Variants in PNPLA6 observed in about 807,000 individuals in gnomAD.
The protein encoded by PNPLA6 is patatin-like phospholipase domain-containing protein 6.
In PNPLA6, 105 loss-of-function variants were observed where a neutral mutation model predicts 153.7. The ratio of observed to expected loss-of-function variants is 0.68; its 90% CI spans 0.58 to 0.80. The LOEUF (loss-of-function observed/expected upper bound fraction) is 0.80, where lower values mean the gene tolerates loss of function less well. Ranked by LOEUF, PNPLA6 falls within the 30% of genes least tolerant of loss-of-function variation. The probability of loss-of-function intolerance (pLI) is 0.00; values close to 1 mark genes in which losing one functional copy is unlikely to be tolerated. For missense variants in PNPLA6, 1,423 were observed against 1,919.3 expected (o/e 0.74, Z 4.83); for synonymous variants, 825 against 822.2 (o/e 1.00, Z -0.06).
At chr19:7,539,555 C>G (rs893876922) in intron 3 of PNPLA6, among the ~76,000 whole-genome samples, 2 of 144,956 alleles carry the variant, frequency 1.4e-5, no homozygotes, top group Non-Finnish European at 3.0e-5. Context: ...GTCAGGAGTT[C>G]GAGACCAGCC....
At chr19:7,536,376 C>A in intron 2 of PNPLA6, 73 bp from the exon 3 acceptor site, 1 of 1,375,306 alleles carries the variant, frequency 7.3e-7, no homozygotes, top group South Asian at 1.2e-5. Context: ...TTGATGGAGA[C>A]CCCCTGGATC....
rs201723958 is a variant in PNPLA6, at chr19:7,541,306, G to C, written c.925-48G>C. 53 of 1,528,914 alleles carry C rather than the reference G, an allele frequency of 3.5e-5. No homozygotes were observed. Among genetic ancestry groups the C allele is most frequent in the Non-Finnish European group, 4.6e-5 (51 of 1,107,392 alleles). The allele number at this position is 1,528,914 out of a possible 1,614,324, so 94.7% of individuals were successfully genotyped here. ...CTAGCCCGGCCCACCATCTGGCCCT[G>C]CCCCTTACCCCGCCCCATCTTATGG... On this transcript the variant is annotated intron_variant, in intron 7 of 31. Transcript: ENST00000600737. This position sits in a 1 kb window ranked among gnomAD's most constrained non-coding sequence, Gnocchi z 5.2.
chr19:7,536,991 A>G (rs914055462), intron 3 of PNPLA6, among the ~76,000 whole-genome samples: 59 of 151,498 alleles, frequency 3.9e-4, no homozygotes, highest in East Asian at 3.1e-3. Context: ...TTTCAGAGAG[A>G]CATCTCTGGA....
chr19:7,546,906 C>CA lies in PNPLA6; in HGVS notation c.1609-2999dup, dbSNP rs1400941789. ...TGAATTGCTGGGTTATAAGCCAATT[C>CA]AATTTTTTTTTTTTTTAAGAGGGAG... On this transcript the variant is annotated intron_variant, in intron 13 of 31. Transcript: ENST00000600737. Among the ~76,000 whole-genome samples the CA allele has an allele frequency of 2.8e-5, 3 of 106,436 alleles. No homozygotes were observed. In the East Asian group the frequency reaches 6.6e-4, roughly 23 times the overall value. 69.8% of individuals were successfully genotyped at this position (106,436 alleles called of 152,430 possible). A position where few individuals can be genotyped will look rare whatever the true frequency, so the allele number is the denominator to read the frequency against.
chr19:7,541,634 C>T lies in PNPLA6; in HGVS notation c.1118C>T (p.Thr373Ile). 1.3e-6 allele frequency: 2 copies of T among 1,587,954 alleles called. No homozygotes were observed. The highest frequency in any genetic ancestry group is 1.7e-6 in the Non-Finnish European group (2 of 1,167,914). The change falls in exon 9 of 32, where the codon ACC becomes ATC. Residue 373 changes from threonine (T) to isoleucine (I), a missense_variant. This residue lies in a region of PNPLA6 where 267 missense variants were observed against 255.1 expected (regional missense o/e 1.05). Coordinates refer to ENST00000600737, the MANE Select transcript of PNPLA6 (RefSeq NM_001166114.2). The surrounding 1 kb of genome is among the most constrained non-coding windows in gnomAD (Gnocchi z 5.2). ...TCAGCTACAGACGAGCCCAGGGAGACCCCAGGGCGGCCACCCGATCCCACC... is the reference window on the plus strand; with the variant it reads ...TCAGCTACAGACGAGCCCAGGGAGATCCCAGGGCGGCCACCCGATCCCACC... Reference protein sequence around the residue: ...STSATDEPRETPGRPPDPTGA... With the variant: ...STSATDEPREIPGRPPDPTGA...
In PNPLA6 at chr19:7,542,994, C is replaced by T. The variant is rs1412254123; in HGVS notation, c.1531-13C>T. On this transcript the variant is annotated splice_polypyrimidine_tract_variant and intron_variant, in intron 12 of 31. Transcript: ENST00000600737. ...GCCTGGCTGCGCCCATCTCAACCCCCCTACCTCCCCAGGACCCCTCCCTCC... is the reference window on the plus strand; with the variant it reads ...GCCTGGCTGCGCCCATCTCAACCCCTCTACCTCCCCAGGACCCCTCCCTCC... 1 of 1,613,986 alleles carries T rather than the reference C, an allele frequency of 6.2e-7. No individual in the cohort carries two copies. Among genetic ancestry groups the T allele is most frequent in the Non-Finnish European group, 8.5e-7 (1 of 1,179,970 alleles).
chr19:7,558,271 T>C (rs953896481), intron 27 of PNPLA6, among the ~76,000 whole-genome samples: 1 of 152,214 alleles, frequency 6.6e-6, no homozygotes, highest in South Asian at 2.1e-4. Flanking sequence ...CTCACAATCT[T>C]GTAGGCCAGG....
At position 7,556,728 on chromosome 19, in the gene PNPLA6, G is replaced by T; in HGVS notation, c.3280+4G>T. ...GCCATGCGAGTCCACAAAGATGGTG[G>T]GTGTCCCCGCCCAGCCTGCAGCAAC... On this transcript the variant is annotated splice_donor_region_variant and intron_variant, in intron 26 of 31. Transcript: ENST00000600737. 6.2e-7 allele frequency: 1 copy of T among 1,609,978 alleles called. No individual in the cohort carries two copies. The highest frequency in any genetic ancestry group is 1.3e-5 in the African/African-American group (1 of 74,948).
intron 13 of PNPLA6, among the ~76,000 whole-genome samples, chr19:7,548,244 T>C (rs616152): frequency 0.83 from 126,243 of 151,708 alleles, 52,946 homozygotes; most frequent in African/African-American, 0.92. Flanking sequence ...CTTGGGAGGC[T>C]GAGGCAGGAG....
chr19:7,543,062 T>G lies in PNPLA6; in HGVS notation c.1586T>G (p.Ile529Ser), dbSNP rs1220111393. The G allele has an allele frequency of 1.2e-6, 2 of 1,613,894 alleles. No individual in the cohort carries two copies. Among genetic ancestry groups the G allele is most frequent in the South Asian group, 2.2e-5 (2 of 91,082 alleles). ...CTGCACCACGCCAAAGCTGGCACCATCATTGCCCGCCAGGGAGACCAGGTG... is the reference window on the plus strand; with the variant it reads ...CTGCACCACGCCAAAGCTGGCACCAGCATTGCCCGCCAGGGAGACCAGGTG... The part of the protein sequence containing the change: ...VLLHHAKAGT[I>S]IARQGDQDVS... The change falls in exon 13 of 32, where the codon ATC (isoleucine) becomes AGC (serine). Residue 529 changes from isoleucine (I) to serine (S), a missense_variant. Coordinates refer to ENST00000600737, the MANE Select transcript of PNPLA6 (RefSeq NM_001166114.2).
chr19:7,550,254 C>G (rs2023584356), intron 14 of PNPLA6, 44 bp from the exon 15 acceptor site: 1 of 1,612,626 alleles, frequency 6.2e-7, no homozygotes, highest in African/African-American at 1.3e-5. Flanking sequence ...CGGTGTAGGA[C>G]GGTTTTGAGG....
intron 13 of PNPLA6, among the ~76,000 whole-genome samples, chr19:7,548,335 C>T (rs534612539): frequency 7.3e-5 from 11 of 151,258 alleles, no homozygotes; most frequent in Middle Eastern, 3.4e-3. Flanking sequence ...CAGAGCAAGA[C>T]ACCGTCTCAA....
intron 2 of PNPLA6, 64 bp downstream of exon 2, chr19:7,536,337 A>T (rs1255898492): frequency 6.9e-7 from 1 of 1,440,582 alleles, no homozygotes; most frequent in African/African-American, 1.4e-5. Context: ...CCCTATTTAC[A>T]CTTCTTAGTG....
intron 27 of PNPLA6, 60 bp downstream of exon 27, chr19:7,557,344 A>C: frequency 9.8e-7 from 1 of 1,023,892 alleles, no homozygotes; most frequent in Non-Finnish European, 1.5e-6. Flanking sequence ...ACACACGCAC[A>C]CGCGTGGGCA....
intron 13 of PNPLA6, among the ~76,000 whole-genome samples, chr19:7,549,488 CTT>C (rs1453618799): frequency 2.0e-5 from 1 of 50,086 alleles, no homozygotes; most frequent in African/African-American, 8.6e-5. Context: ...GCCTGGCCTT[CTT>C]CTTCTTTTTT....
intron 18 of PNPLA6, among the ~76,000 whole-genome samples, chr19:7,552,854 G>T (rs116287023): frequency 0.42 from 63,687 of 150,832 alleles, 14,140 homozygotes; most frequent in South Asian, 0.56. Flanking sequence ...TCATCTTGCC[G>T]TGTGGCTGAA....
In PNPLA6 at chr19:7,555,617, C is replaced by T; in HGVS notation, c.2947C>T (p.His983Tyr). The change falls in exon 24 of 32, where the codon CAC becomes TAC. Residue 983 changes from histidine to tyrosine, a missense_variant. Physicochemically the swap from His to Tyr is moderately conservative, Grantham distance 83. Transcript: ENST00000600737. This position sits in a 1 kb window ranked among gnomAD's most constrained non-coding sequence, Gnocchi z 6.3. ...CCATTTTCCCGGCAGGGGCTGCTCG[C>T]ACATCGGAGTACTAAAGGCATTAGA... ...LGGGGARGCS[H>Y]IGVLKALEEA... is the part of the protein sequence containing the mutation. The T allele has an allele frequency of 1.2e-6, 2 of 1,611,876 alleles. No homozygotes were observed. Among genetic ancestry groups the T allele is most frequent in the Non-Finnish European group, 1.7e-6 (2 of 1,179,640 alleles).
chr19:7,554,715 C>G lies in PNPLA6; in HGVS notation c.2626C>G (p.Leu876Val). 1 of 1,612,938 alleles carries G rather than the reference C, an allele frequency of 6.2e-7. No homozygotes were observed. ...IVGLGDQEPT[L>V]GQLEQMLENT... ...GGGCCTGGGGGACCAGGAGCCTACC[C>G]TCGGCCAGGTCGGAAGCCCGTGCCC... Residue 876 changes from leucine (L) to valine (V), a missense_variant, in exon 21 of 32, where the codon CTC becomes GTC. Transcript: ENST00000600737.
Position 7,554,494 on chromosome 19 carries a change from C to T in PNPLA6, c.2466-61C>T, listed in dbSNP as rs2023784220. ...CCTCCCAGCAACGGAGCTATGTGGTCTCGGGGAGCACACTGACCCCAGGCC... is the reference window on the plus strand; with the variant it reads ...CCTCCCAGCAACGGAGCTATGTGGTTTCGGGGAGCACACTGACCCCAGGCC... On this transcript the variant is annotated intron_variant, in intron 20 of 31. Transcript: ENST00000600737. 6 of 1,585,312 alleles carry T rather than the reference C, an allele frequency of 3.8e-6. No individual in the cohort carries two copies. In the Admixed American group the frequency reaches 1.0e-4, roughly 27 times the overall value.
Sources: allele counts gnomAD v4.1 joint callset (sites outside exome capture counted in the v4.1 genomes callset), GRCh38; gene constraint gnomAD v4.1.1; regional missense constraint gnomAD v4.1.1; non-coding constraint Gnocchi (gnomAD v3.1); transcripts MANE v1.5; gene names NCBI Gene and HGNC (gene_info 2026-07-23, HGNC 2026-07-21).